Variants in ANKRD36C observed in about 807,000 individuals in gnomAD.
ANKRD36C encodes the protein ankyrin repeat domain-containing protein 36C.
In ANKRD36C, 61 loss-of-function variants were observed where a neutral mutation model predicts 276.4. The observed-to-expected ratio is 0.22, with a 90% CI of 0.18 to 0.27. The LOEUF is 0.27. Among genes scored for constraint, ANKRD36C ranks in the 10% least tolerant of loss-of-function variants. The probability of loss-of-function intolerance (pLI) is 1.00; values close to 1 mark genes in which losing one functional copy is unlikely to be tolerated. For missense variants in ANKRD36C, 1,447 were observed against 2,032.3 expected (o/e 0.71, Z 5.54); for synonymous variants, 483 against 680.1 (o/e 0.71, Z 4.51).
intron 16 of ANKRD36C, among the ~76,000 whole-genome samples, chr2:95,949,476 G>A (rs1294112620): frequency 6.6e-6 from 1 of 151,990 alleles, no homozygotes; most frequent in Non-Finnish European, 1.5e-5. Flanking sequence ...AGGGATCCAT[G>A]GCAATCCCCA....
exon 1 of ANKRD36C, chr2:95,991,750 T>TCGCCTTCGGGGATCGC: frequency 6.3e-7 from 1 of 1,598,156 alleles, no homozygotes; most frequent in South Asian, 1.1e-5. Context: ...GTATTTCAGC[T>TCGCCTTCGGGGATCGC]CGCCTTCGGG....
chr2:95,893,545 T>G, intron 44 of ANKRD36C: 1 of 1,547,802 alleles, frequency 6.5e-7, no homozygotes, highest in Non-Finnish European at 8.7e-7. Context: ...GTTCTAGATT[T>G]TTCTCCATCC....
chr2:95,927,748 G>A (rs1677448360), intron 26 of ANKRD36C, among the ~76,000 whole-genome samples: 2 of 151,626 alleles, frequency 1.3e-5, no homozygotes, highest in Admixed American at 1.3e-4. Flanking sequence ...GTCAAAGCAG[G>A]TGGTACATTA....
chr2:95,891,589 C>A, intron 46 of ANKRD36C, 76 bp downstream of exon 66: 6 of 1,478,486 alleles, frequency 4.1e-6, no homozygotes, highest in Non-Finnish European at 5.5e-6. Flanking sequence ...AACGAACCCC[C>A]CGCTGATTTA....
intron 19 of ANKRD36C, among the ~76,000 whole-genome samples, chr2:95,944,165 T>C (rs1203543609): frequency 6.6e-6 from 1 of 152,196 alleles, no homozygotes; most frequent in African/African-American, 2.4e-5. Flanking sequence ...ATGGAGACAT[T>C]CTACTGTCAT....
intron 36 of ANKRD36C, 136 bp downstream of exon 38, chr2:95,917,719 A>T: frequency 8.4e-7 from 1 of 1,196,912 alleles, no homozygotes; most frequent in South Asian, 1.5e-5. Flanking sequence ...TTACAAATGA[A>T]GACTCTCAGG....
intron 6 of ANKRD36C, among the ~76,000 whole-genome samples, chr2:95,972,504 T>C (rs1007544081): frequency 1.3e-5 from 2 of 152,246 alleles, no homozygotes; most frequent in Non-Finnish European, 2.9e-5. Context: ...CCCTTTGCCC[T>C]GAGCCAATTT....
At chr2:95,918,127 G>C (rs1677158875) in intron 34 of ANKRD36C, 85 bp from the exon 37 acceptor site, 2 of 1,538,940 alleles carry the variant, frequency 1.3e-6, no homozygotes, top group East Asian at 4.8e-5. Flanking sequence ...GCATCAAGCT[G>C]TATCCTTCTG....
At chr2:95,897,141 A>C in intron 44 of ANKRD36C, 129 bp downstream of exon 60, 1 of 1,097,086 alleles carries the variant, frequency 9.1e-7, no homozygotes, top group Non-Finnish European at 1.3e-6. Flanking sequence ...AACTTATTTG[A>C]AATGAAGAAT....
In ANKRD36C at chr2:95,953,336, G is replaced by A. The variant is rs577790595; in HGVS notation, c.1203+603C>T. On this transcript the variant is annotated intron_variant, in intron 14 of 66. Coordinates refer to ENST00000456556, the Ensembl canonical transcript of ANKRD36C. The stretch of plus-strand genomic sequence containing the variant: ...TCCTGACTTGATCTCTTGAATAGGT[G>A]GGACTACAGGCACATGATACCATGT... 3.4e-4 allele frequency among the ~76,000 whole-genome samples: 52 copies of A among 152,114 alleles called. 2 individuals carry two copies. In the South Asian group the frequency reaches 0.011, roughly 31 times the overall value.
intron 3 of ANKRD36C, among the ~76,000 whole-genome samples, chr2:95,983,773 C>A (rs987234561): frequency 6.6e-6 from 1 of 151,340 alleles, no homozygotes; most frequent in Non-Finnish European, 1.5e-5. Flanking sequence ...TGTGCCACCA[C>A]ACCCAGCTAA....
At chr2:95,855,100 G>A (rs1017438078) in intron 63 of ANKRD36C, among the ~76,000 whole-genome samples, 166 bp downstream of exon 83, 19 of 152,146 alleles carry the variant, frequency 1.2e-4, no homozygotes, top group African/African-American at 4.1e-4. Flanking sequence ...GCATCTCTCA[G>A]TTCTAACTTT....
intron 3 of ANKRD36C, among the ~76,000 whole-genome samples, chr2:95,982,588 C>A (rs1298668435): frequency 8.6e-6 from 1 of 116,738 alleles, no homozygotes; most frequent in East Asian, 2.3e-4. Flanking sequence ...AAACTCACTT[C>A]AAACATTTCC....
chr2:95,926,451 C>T (rs1035071293), intron 28 of ANKRD36C, among the ~76,000 whole-genome samples: 7 of 151,512 alleles, frequency 4.6e-5, no homozygotes, highest in Non-Finnish European at 8.9e-5. Flanking sequence ...CATTAAATTG[C>T]TATTTTTATC....
At position 95,930,184 on chromosome 2, in the gene ANKRD36C, C is replaced by T. The variant is rs1677526782; in HGVS notation, c.1736-917G>A. On this transcript the variant is annotated intron_variant, in intron 24 of 66. Coordinates refer to ENST00000456556, the Ensembl canonical transcript of ANKRD36C. ...ATTAAGTTGCTATTTTATCCAATAG[C>T]TCCTTGAAAAACAAAGCCAATGTAT... 3.3e-5 allele frequency among the ~76,000 whole-genome samples: 5 copies of T among 151,638 alleles called. No homozygotes were observed. The South Asian group carries it at 1.0e-3, about 31-fold the overall frequency.
At chr2:95,912,218 A>C in intron 42 of ANKRD36C, 26 bp downstream of exon 44, 1 of 1,543,380 alleles carries the variant, frequency 6.5e-7, no homozygotes, top group Non-Finnish European at 8.7e-7. Context: ...ACTGCACATG[A>C]CATTAAATGT....
intron 6 of ANKRD36C, among the ~76,000 whole-genome samples, chr2:95,976,106 G>A (rs1217216001): frequency 5.3e-5 from 8 of 152,194 alleles, no homozygotes; most frequent in East Asian, 3.9e-4. Flanking sequence ...TTAGAATGGC[G>A]ATCATTAAAA....
In ANKRD36C at chr2:95,884,163, G is replaced by C. The variant is rs781559309; in HGVS notation, c.3265+10C>G. On this transcript the variant is annotated intron_variant, in intron 54 of 66. Coordinates refer to ENST00000456556, the Ensembl canonical transcript of ANKRD36C. The stretch of plus-strand genomic sequence containing the variant: ...CTGAACATGACATTAAATGTGTTTT[G>C]CAAAATTACCTGTCCCAGATTTTTC... The C allele has an allele frequency of 6.2e-7, 1 of 1,603,906 alleles. No homozygotes were observed. The highest frequency in any genetic ancestry group is 8.5e-7 in the Non-Finnish European group (1 of 1,175,218).
At chr2:95,853,477 A>G (rs1675337187) in intron 64 of ANKRD36C, 1 of 303,380 alleles carries the variant, frequency 3.3e-6, no homozygotes, top group Admixed American at 4.7e-5. Flanking sequence ...TGTATAAAAA[A>G]TGGCAGAATG....
Sources: allele counts gnomAD v4.1 joint callset (sites outside exome capture counted in the v4.1 genomes callset), GRCh38; gene constraint gnomAD v4.1.1; transcripts MANE v1.5; gene names NCBI Gene and HGNC (gene_info 2026-07-23, HGNC 2026-07-21).